Variants in SORCS2 observed in about 807,000 individuals in gnomAD.
SORCS2 encodes VPS10 domain-containing receptor SorCS2.
SORCS2 carries 100 observed loss-of-function variants against 141.6 expected under a neutral mutation model. The observed-to-expected ratio is 0.71, with a 90% confidence interval of 0.60 to 0.83. The LOEUF is 0.83. SORCS2 is among the 40% of genes least tolerant of loss of function. The probability of loss-of-function intolerance (pLI) is 0.00; values close to 1 mark genes in which losing one functional copy is unlikely to be tolerated. For synonymous variants in SORCS2, 789 were observed against 676.9 expected (o/e 1.17, Z -2.57); for missense variants, 1,646 against 1,560.2 (o/e 1.05, Z -0.93).
At chr4:7,340,944 G>C (rs1308818895) in intron 1 of SORCS2, among the ~76,000 whole-genome samples, 2 of 152,232 alleles carry the variant, frequency 1.3e-5, no homozygotes, top group African/African-American at 4.8e-5. Context: ...CATTGGCCAG[G>C]CTGGACAATT....
At chr4:7,232,656 G>A (rs1033799855) in intron 1 of SORCS2, among the ~76,000 whole-genome samples, 21 of 152,212 alleles carry the variant, frequency 1.4e-4, no homozygotes, top group African/African-American at 4.8e-4. Flanking sequence ...GCTCCTGCCC[G>A]CGCCAGCTGT....
intron 1 of SORCS2, among the ~76,000 whole-genome samples, chr4:7,207,576 C>T (rs896423654): frequency 2.0e-5 from 3 of 152,208 alleles, no homozygotes; most frequent in Non-Finnish European, 4.4e-5. Flanking sequence ...GGCAGGATCC[C>T]TCCTTATGGC....
intron 3 of SORCS2, among the ~76,000 whole-genome samples, chr4:7,567,057 C>G (rs1577763303): frequency 2.0e-5 from 3 of 152,188 alleles, no homozygotes; most frequent in Non-Finnish European, 4.4e-5. Context: ...TCCAACACCC[C>G]TATTTATTTT....
intron 3 of SORCS2, among the ~76,000 whole-genome samples, chr4:7,585,948 G>A (rs377109392): frequency 6.6e-6 from 1 of 152,318 alleles, no homozygotes; most frequent in East Asian, 1.9e-4. Context: ...ATGCCAATTT[G>A]GCAGTTCATT....
At chr4:7,371,414 A>G (rs1034226649) in intron 1 of SORCS2, among the ~76,000 whole-genome samples, 4 of 152,198 alleles carry the variant, frequency 2.6e-5, no homozygotes, top group African/African-American at 9.6e-5. Context: ...AATGCTCTTC[A>G]GAGGGATTAT....
intron 5 of SORCS2, among the ~76,000 whole-genome samples, chr4:7,659,276 CAAA>C (rs549698315): frequency 8.5e-6 from 1 of 117,172 alleles, no homozygotes; most frequent in Non-Finnish European, 1.8e-5. Flanking sequence ...TTCCTTTCAT[CAAA>C]AAAAAAAAAG....
At position 7,704,213 on chromosome 4, in the gene SORCS2, C is replaced by T; in HGVS notation, c.1797C>T (p.His599=). ...SVDEGLTWST[H]NFTSTSVFVD... ...ACGAGGGCCTCACCTGGAGCACGCA[C>T]AACTTCACCAGCACCTCGGTGTTTG... The change falls in exon 14 of 27, where the codon CAC becomes CAT. Residue 599 remains histidine (H), a synonymous_variant. Coordinates refer to ENST00000507866, the MANE Select transcript of SORCS2 (RefSeq NM_020777.3). 1 of 1,613,130 alleles carries T rather than the reference C, an allele frequency of 6.2e-7. No homozygotes were observed. The highest frequency in any genetic ancestry group is 1.1e-5 in the South Asian group (1 of 90,728).
At chr4:7,661,463 T>C (rs192603078) in intron 5 of SORCS2, 37 bp from the exon 6 acceptor site, 3 of 1,547,408 alleles carry the variant, frequency 1.9e-6, no homozygotes, top group Non-Finnish European at 2.6e-6. Flanking sequence ...GCATGGTGAC[T>C]CCATTCCCGA....
At position 7,663,461 on chromosome 4, in the gene SORCS2, C is replaced by T. The variant is rs147991411; in HGVS notation, c.953-892C>T. On this transcript the variant is annotated intron_variant, in intron 6 of 26. Transcript: ENST00000507866. The surrounding 1 kb of genome is among the most constrained non-coding windows in gnomAD (Gnocchi z 4.8). ...AGTTCAGTGGTTCAGTGTTGAGTGC[C>T]GGGCACACCAGTCAGTTTCAAGGGA... is the stretch of plus-strand genomic sequence containing the variant. Among the ~76,000 whole-genome samples the T allele has an allele frequency of 4.7e-3, 713 of 152,308 alleles. 7 individuals carry two copies. The highest frequency in any genetic ancestry group is 0.016 in the African/African-American group (660 of 41,578).
At chr4:7,607,364 G>A (rs1489747274) in intron 3 of SORCS2, among the ~76,000 whole-genome samples, 1 of 152,166 alleles carries the variant, frequency 6.6e-6, no homozygotes, top group Non-Finnish European at 1.5e-5. Flanking sequence ...GGGAGGTGGA[G>A]AGGGTGCGTC....
intron 1 of SORCS2, among the ~76,000 whole-genome samples, chr4:7,343,933 G>A (rs151292384): frequency 1.4e-4 from 21 of 152,270 alleles, no homozygotes; most frequent in Middle Eastern, 3.4e-3. Context: ...TGGCAGTGCC[G>A]GGGGTGCTTC....
At chr4:7,513,592 A>T (rs991660326) in intron 2 of SORCS2, among the ~76,000 whole-genome samples, 1 of 152,160 alleles carries the variant, frequency 6.6e-6, no homozygotes, top group African/African-American at 2.4e-5. Context: ...TGCTGGTAGA[A>T]TGAGGTTCCC....
At chr4:7,229,232 C>G (rs770231738) in intron 1 of SORCS2, among the ~76,000 whole-genome samples, 1 of 152,112 alleles carries the variant, frequency 6.6e-6, no homozygotes. Flanking sequence ...TTTCCTCCCC[C>G]AGAACATCTC....
chr4:7,580,198 A>C (rs904312845), intron 3 of SORCS2, among the ~76,000 whole-genome samples: 1 of 152,224 alleles, frequency 6.6e-6, no homozygotes, highest in Non-Finnish European at 1.5e-5. Flanking sequence ...ATTGCTTTGC[A>C]CAAATGGGTG....
chr4:7,671,692 A>C (rs1411489410), intron 8 of SORCS2, among the ~76,000 whole-genome samples: 2 of 152,198 alleles, frequency 1.3e-5, no homozygotes, highest in African/African-American at 4.8e-5. Flanking sequence ...ATTGAAAGTG[A>C]ACGCAGTCTA....
At position 7,285,021 on chromosome 4, in the gene SORCS2, C is replaced by CATAT. The variant is rs900055455; in HGVS notation, c.480+91908_480+91911dup. 5.3e-3 allele frequency among the ~76,000 whole-genome samples: 746 copies of CATAT among 141,958 alleles called. 6 individuals are homozygous for CATAT. Among genetic ancestry groups the CATAT allele is most frequent in the South Asian group, 0.021 (96 of 4,472 alleles). The allele number at this position is 141,958 out of a possible 152,430, so 93.1% of individuals were successfully genotyped here. On this transcript the variant is annotated intron_variant, in intron 1 of 26. Coordinates refer to ENST00000507866, the MANE Select transcript of SORCS2 (RefSeq NM_020777.3). Reference sequence around the variant, plus strand: ...CCTACCCGCTCACCTGGGACCATCCCATATATATATATATATTTTTTTTTT... The same window carrying CATAT: ...CCTACCCGCTCACCTGGGACCATCCCATATATATATATATATATATTTTTTTTTT...
At chr4:7,701,534 C>A (rs376771217) in intron 12 of SORCS2, among the ~76,000 whole-genome samples, 2 of 152,160 alleles carry the variant, frequency 1.3e-5, no homozygotes, top group African/African-American at 4.8e-5. Flanking sequence ...GGGGCCCCTC[C>A]TTCGGGGCCC....
At chr4:7,478,919 CGT>C (rs1411557820) in intron 2 of SORCS2, among the ~76,000 whole-genome samples, 1 of 152,188 alleles carries the variant, frequency 6.6e-6, no homozygotes, top group Admixed American at 6.5e-5. Context: ...TCAAAGCCTC[CGT>C]GGCCTGGTTT....
chr4:7,495,523 A>C (rs77073032), intron 2 of SORCS2, among the ~76,000 whole-genome samples: 3,733 of 152,272 alleles, frequency 0.025, 158 homozygotes, highest in African/African-American at 0.085. Flanking sequence ...AGCACAGGCT[A>C]CACTGGTGGC....
Sources: gnomAD v4.1 joint callset for allele counts (sites outside exome capture counted in the v4.1 genomes callset) on GRCh38, gnomAD v4.1.1 for gene constraint, Gnocchi (gnomAD v3.1) non-coding constraint, MANE v1.5 for transcripts, NCBI Gene and HGNC (gene_info 2026-07-23, HGNC 2026-07-21) for gene names.